KCND3: variants seen among roughly 807,000 people sequenced by gnomAD.
The protein encoded by KCND3 is A-type voltage-gated potassium channel KCND3.
In KCND3, 9 loss-of-function variants were observed where a neutral mutation model predicts 51.1. That is an observed-to-expected ratio of 0.18 (90% CI 0.11 to 0.31). The LOEUF (loss-of-function observed/expected upper bound fraction) is 0.31. Ranked by LOEUF, KCND3 falls within the 10% of genes least tolerant of loss-of-function variation. KCND3 has a pLI of 1.00. For missense variants in KCND3, 526 were observed against 903.8 expected, an observed-to-expected ratio of 0.58 and a Z score of 5.36; for synonymous variants, 349 against 368.0, an observed-to-expected ratio of 0.95 and a Z score of 0.59.
intron 2 of KCND3, among the ~76,000 whole-genome samples, chr1:111,905,641 T>C (rs1229792208): frequency 3.3e-5 from 5 of 152,320 alleles, no homozygotes; most frequent in South Asian, 4.1e-4. Flanking sequence ...AGTCTTCAGG[T>C]GACTATGGCG....
intron 2 of KCND3, among the ~76,000 whole-genome samples, chr1:111,798,429 A>G (rs185071930): frequency 6.6e-6 from 1 of 151,658 alleles, no homozygotes; most frequent in African/African-American, 2.4e-5. Flanking sequence ...TGGAGCACTT[A>G]CTCCTTTATG....
At chr1:111,882,522 G>T (rs1290200476) in intron 2 of KCND3, among the ~76,000 whole-genome samples, 1 of 152,200 alleles carries the variant, frequency 6.6e-6, no homozygotes, top group Non-Finnish European at 1.5e-5. Flanking sequence ...TGCTTTGGGG[G>T]TGTGTGTGAA....
At chr1:111,953,507 CAA>C (rs3058867) in intron 2 of KCND3, among the ~76,000 whole-genome samples, 73,011 of 151,926 alleles carry the variant, frequency 0.48, 17,937 homozygotes, top group Admixed American at 0.6. Flanking sequence ...CATTTCCAGG[CAA>C]AGTGTTTCTT....
chr1:111,984,911 C>T (rs146414434), intron 1 of KCND3, among the ~76,000 whole-genome samples: 1 of 152,278 alleles, frequency 6.6e-6, no homozygotes, highest in African/African-American at 2.4e-5. Context: ...CCTTTGGGCT[C>T]TTGACTCGTT....
chr1:111,913,654 G>A lies in KCND3; in HGVS notation c.1106+67967C>T, dbSNP rs534922195. ...GGGCTGTGTGTATTGACTCATGCTT[G>A]TAATCCCAGCACTTTGGCTGAAATG... is the stretch of plus-strand genomic sequence containing the variant. On this transcript the variant is annotated intron_variant, in intron 2 of 7. Transcript: ENST00000302127. Among the ~76,000 whole-genome samples the A allele has an allele frequency of 1.2e-3, 181 of 152,308 alleles. 1 individual carries two copies. The highest frequency in any genetic ancestry group is 2.1e-3 in the Admixed American group (32 of 15,300).
At chr1:111,901,223 C>A (rs1464450565) in intron 2 of KCND3, among the ~76,000 whole-genome samples, 4 of 147,752 alleles carry the variant, frequency 2.7e-5, no homozygotes, top group African/African-American at 1.0e-4. Context: ...GCAGCTGCCC[C>A]TGGAGTCCAA....
chr1:111,788,271 A>G (rs1288201837), intron 2 of KCND3, among the ~76,000 whole-genome samples: 1 of 152,264 alleles, frequency 6.6e-6, no homozygotes, highest in Non-Finnish European at 1.5e-5. Flanking sequence ...AAAGCCAGAA[A>G]CACCATCTCC....
chr1:111,974,708 A>G (rs1295791208), intron 2 of KCND3, among the ~76,000 whole-genome samples: 1 of 152,208 alleles, frequency 6.6e-6, no homozygotes, highest in Non-Finnish European at 1.5e-5. Flanking sequence ...TACTATCTTG[A>G]GGCAGAATAA....
At chr1:111,820,341 C>T (rs1666289964) in intron 2 of KCND3, among the ~76,000 whole-genome samples, 1 of 152,198 alleles carries the variant, frequency 6.6e-6, no homozygotes, top group South Asian at 2.1e-4. Flanking sequence ...TTATTCCTTA[C>T]AATCTGATGG....
chr1:111,944,707 C>T (rs985707888), intron 2 of KCND3, among the ~76,000 whole-genome samples: 2 of 152,240 alleles, frequency 1.3e-5, no homozygotes, highest in East Asian at 1.9e-4. Flanking sequence ...GTGTGTCTCC[C>T]GCAGTGCCTA....
At chr1:111,904,659 C>T (rs1670554016) in intron 2 of KCND3, among the ~76,000 whole-genome samples, 1 of 152,176 alleles carries the variant, frequency 6.6e-6, no homozygotes, top group African/African-American at 2.4e-5. Flanking sequence ...CCTCTGTGGG[C>T]ACGGGCACAG....
At chr1:111,879,232 C>T (rs583731) in intron 2 of KCND3, among the ~76,000 whole-genome samples, 7,048 of 152,254 alleles carry the variant, frequency 0.046, 240 homozygotes, top group Non-Finnish European at 0.074. Context: ...CTCTCTACAT[C>T]CTATTGGTTC....
At chr1:111,875,803 C>T (rs1419965091) in intron 2 of KCND3, among the ~76,000 whole-genome samples, 2 of 152,236 alleles carry the variant, frequency 1.3e-5, no homozygotes, top group Admixed American at 6.5e-5. Context: ...CTAAGGAAAA[C>T]CATTAGACCT....
intron 2 of KCND3, among the ~76,000 whole-genome samples, chr1:111,797,091 C>T (rs1665086899): frequency 6.6e-6 from 1 of 152,212 alleles, no homozygotes; most frequent in South Asian, 2.1e-4. Context: ...CTCGATAAAA[C>T]ATAGATTGCT....
intron 2 of KCND3, among the ~76,000 whole-genome samples, chr1:111,930,058 G>A (rs1309538258): frequency 6.6e-6 from 1 of 152,180 alleles, no homozygotes; most frequent in African/African-American, 2.4e-5. Flanking sequence ...ATCATATTTT[G>A]GGTTAGGAGA....
At chr1:111,783,871 C>G (rs1664493589) in intron 3 of KCND3, among the ~76,000 whole-genome samples, 1 of 152,110 alleles carries the variant, frequency 6.6e-6, no homozygotes, top group South Asian at 2.1e-4. Context: ...ATCCAGGAAT[C>G]ATATAGAATG....
chr1:111,805,780 T>C lies in KCND3; in HGVS notation c.1107-18674A>G, dbSNP rs145119900. Among the ~76,000 whole-genome samples the C allele has an allele frequency of 7.9e-4, 120 of 152,152 alleles. 1 individual carries two copies. Among genetic ancestry groups the C allele is most frequent in the African/African-American group, 2.7e-3 (113 of 41,494 alleles). ...GCCACCTGTGTGGACGGTGTGAAAA[T>C]TCCCCGCGGCTGCAGAGCAGGGCAG... On this transcript the variant is annotated intron_variant, in intron 2 of 7. Transcript: ENST00000302127.
intron 2 of KCND3, among the ~76,000 whole-genome samples, chr1:111,871,724 T>A (rs192140618): frequency 2.3e-4 from 35 of 151,418 alleles, no homozygotes; most frequent in Non-Finnish European, 4.6e-4. Flanking sequence ...CAAAGGAGAG[T>A]GTTGAGAAAG....
intron 1 of KCND3, among the ~76,000 whole-genome samples, chr1:111,985,825 G>A (rs1675245028): frequency 6.6e-6 from 1 of 152,194 alleles, no homozygotes. Flanking sequence ...GTCAGATGCT[G>A]CAGAAGACAA....
Sources: allele counts gnomAD v4.1 joint callset (sites outside exome capture counted in the v4.1 genomes callset), GRCh38; gene constraint gnomAD v4.1.1; transcripts MANE v1.5; gene names NCBI Gene and HGNC (gene_info 2026-07-23, HGNC 2026-07-21).